The following LURAP1L variants were observed in gnomAD, a reference collection of about 807,000 sequenced individuals.
LURAP1L encodes the protein leucine rich adaptor protein 1-like.
In LURAP1L, 12 loss-of-function variants were observed where a neutral mutation model predicts 13.8. The ratio of observed to expected loss-of-function variants is 0.87; its 90% CI spans 0.56 to 1.41. LURAP1L has a LOEUF of 1.41. LURAP1L is among the 40% of genes most tolerant of loss of function. LURAP1L has a pLI of 0.00. For synonymous variants in LURAP1L, 139 were observed against 119.2 expected, an observed-to-expected ratio of 1.17 and a Z score of -1.08; for missense variants, 375 against 292.9, an observed-to-expected ratio of 1.28 and a Z score of -2.04.
At chr9:12,795,937 G>C (rs193119295) in intron 1 of LURAP1L, among the ~76,000 whole-genome samples, 11 of 152,008 alleles carry the variant, frequency 7.2e-5, no homozygotes, top group African/African-American at 2.6e-4. Flanking sequence ...AACAAGAATA[G>C]GAAGAAAGTG....
intron 1 of LURAP1L, among the ~76,000 whole-genome samples, chr9:12,800,637 T>G (rs1819572648): frequency 6.6e-6 from 1 of 152,194 alleles, no homozygotes. Context: ...TCTGAATATT[T>G]GAAAATCTAG....
At chr9:12,776,695 C>T (rs981190424) in intron 1 of LURAP1L, among the ~76,000 whole-genome samples, 44 of 152,042 alleles carry the variant, frequency 2.9e-4, no homozygotes, top group Admixed American at 1.1e-3. Flanking sequence ...AGCAGGTGAT[C>T]CCCAGGCCCA....
At chr9:12,786,581 T>TATATATATATATAAC (rs61134838) in intron 1 of LURAP1L, among the ~76,000 whole-genome samples, 5 of 121,446 alleles carry the variant, frequency 4.1e-5, no homozygotes, top group Non-Finnish European at 9.1e-5. Context: ...TATATATATA[T>TATATATATATATAAC]AAACCCTTGT....
At position 12,775,961 on chromosome 9, in the gene LURAP1L, A is replaced by T; in HGVS notation, c.246A>T (p.Pro82=). 6.3e-7 allele frequency: 1 copy of T among 1,596,378 alleles called. No homozygotes were observed. Among genetic ancestry groups the T allele is most frequent in the East Asian group, 2.3e-5 (1 of 43,866 alleles). Residue 82 remains proline, a synonymous_variant, in exon 1 of 2, where the codon CCA becomes CCT. Transcript: ENST00000319264. ...CGTCCTCCCCAACCTCTGGCTCCCCACGAGGTAGCCACTCTAGCGCCCTGG... is the reference window on the plus strand; with the variant it reads ...CGTCCTCCCCAACCTCTGGCTCCCCTCGAGGTAGCCACTCTAGCGCCCTGG... ...SSSSSPTSGS[P]RGSHSSALER...
chr9:12,795,060 G>A (rs1819494508), intron 1 of LURAP1L, among the ~76,000 whole-genome samples: 1 of 151,848 alleles, frequency 6.6e-6, no homozygotes, highest in Non-Finnish European at 1.5e-5. Context: ...TTATATCATA[G>A]TCATTTAATG....
chr9:12,801,497 C>T (rs1819585107), intron 1 of LURAP1L, among the ~76,000 whole-genome samples: 1 of 152,002 alleles, frequency 6.6e-6, no homozygotes, highest in African/African-American at 2.4e-5. Context: ...AAACATGATT[C>T]TCAAACCATC....
chr9:12,777,258 A>G (rs1819200486), intron 1 of LURAP1L: 5 of 985,372 alleles, frequency 5.1e-6, no homozygotes, highest in Non-Finnish European at 6.0e-6. Flanking sequence ...GGAAAGTGGA[A>G]GTCATCTTGA....
intron 1 of LURAP1L, among the ~76,000 whole-genome samples, chr9:12,779,105 C>G (rs1819232126): frequency 1.3e-5 from 2 of 151,988 alleles, no homozygotes; most frequent in Admixed American, 1.3e-4. Flanking sequence ...TCTCAAAATA[C>G]TATAATATTT....
rs372865470 is a variant in LURAP1L at position 12,811,303 on chromosome 9, A to G, written c.313-10083A>G. On this transcript the variant is annotated intron_variant, in intron 1 of 1. Transcript: ENST00000319264. ...TATCTGAATGTTATTATCTAAGTTT[A>G]GTCTATTATCTTATCAATGTATACC... Among the ~76,000 whole-genome samples, 42 of 152,332 alleles carry G rather than the reference A, an allele frequency of 2.8e-4. No individual in the cohort carries two copies. The East Asian group carries it at 6.2e-3, about 22-fold the overall frequency.
chr9:12,786,483 T>C (rs10115967), intron 1 of LURAP1L, among the ~76,000 whole-genome samples: 43,832 of 141,874 alleles, frequency 0.31, 7,298 homozygotes, highest in Middle Eastern at 0.48. Flanking sequence ...GTGATTGTTT[T>C]TCTGAGAATA....
At chr9:12,777,706 C>T in intron 1 of LURAP1L, 1 of 367,232 alleles carries the variant, frequency 2.7e-6, no homozygotes, top group Non-Finnish European at 3.8e-6. Flanking sequence ...ACCGATGAAC[C>T]CCACCCTGTC....
intron 1 of LURAP1L, among the ~76,000 whole-genome samples, chr9:12,811,214 CA>C (rs1819731659): frequency 6.6e-6 from 1 of 152,076 alleles, no homozygotes; most frequent in Non-Finnish European, 1.5e-5. Flanking sequence ...ATAAAGTTGT[CA>C]ATATTGAAAA....
chr9:12,784,078 A>G (rs1359680765), intron 1 of LURAP1L, among the ~76,000 whole-genome samples: 1 of 152,092 alleles, frequency 6.6e-6, no homozygotes, highest in Non-Finnish European at 1.5e-5. Flanking sequence ...TTCATTATGG[A>G]TAGGATTCTG....
At chr9:12,800,162 C>T (rs775077989) in intron 1 of LURAP1L, among the ~76,000 whole-genome samples, 1 of 152,064 alleles carries the variant, frequency 6.6e-6, no homozygotes, top group African/African-American at 2.4e-5. Context: ...AACTTTGTAC[C>T]CTTTGACCTA....
At chr9:12,804,489 T>C (rs1819629215) in intron 1 of LURAP1L, among the ~76,000 whole-genome samples, 1 of 151,912 alleles carries the variant, frequency 6.6e-6, no homozygotes, top group Admixed American at 6.6e-5. Context: ...ATTACAGGTA[T>C]GCACCACCAC....
intron 1 of LURAP1L, among the ~76,000 whole-genome samples, chr9:12,796,881 C>A (rs912782733): frequency 1.5e-4 from 22 of 142,610 alleles, no homozygotes; most frequent in Non-Finnish European, 3.0e-5. Flanking sequence ...CTTCAAATTG[C>A]AGTTTGAAGA....
At chr9:12,819,024 G>T (rs1469273314) in intron 1 of LURAP1L, among the ~76,000 whole-genome samples, 1 of 152,076 alleles carries the variant, frequency 6.6e-6, no homozygotes, top group Non-Finnish European at 1.5e-5. Flanking sequence ...TTGTCTTCCT[G>T]GCTCATAGGG....
rs557998840 is a variant in LURAP1L, at chr9:12,801,728, T to C, written c.313-19658T>C. Among the ~76,000 whole-genome samples, 21 of 152,316 alleles carry C rather than the reference T, an allele frequency of 1.4e-4. No homozygotes were observed. The South Asian group carries it at 2.3e-3, about 17-fold the overall frequency. On this transcript the variant is annotated intron_variant, in intron 1 of 1. Transcript: ENST00000319264. ...CTTTTTAAAGGGCATAAACACAGAC[T>C]TCAGGGAAATTTAAGAATGTTCCAA...
chr9:12,799,319 A>G (rs1475591163), intron 1 of LURAP1L, among the ~76,000 whole-genome samples: 1 of 152,172 alleles, frequency 6.6e-6, no homozygotes, highest in Non-Finnish European at 1.5e-5. Flanking sequence ...CTTGGAAATC[A>G]TAACTTATGC....
Sources: gnomAD v4.1 joint callset for allele counts (sites outside exome capture counted in the v4.1 genomes callset) on GRCh38, gnomAD v4.1.1 for gene constraint, MANE v1.5 for transcripts, NCBI Gene and HGNC (gene_info 2026-07-23, HGNC 2026-07-21) for gene names.